The following PPP1R12B variants were observed in gnomAD, a reference collection of about 807,000 sequenced individuals.
PPP1R12B encodes protein phosphatase 1 regulatory subunit 12B, also known as myosin phosphatase target subunit 2.
Under a neutral mutation model 126.1 loss-of-function variants are expected in PPP1R12B, and 76 were observed. The observed-to-expected ratio is 0.60, with a 90% CI of 0.50 to 0.73. PPP1R12B has a LOEUF of 0.73. Among genes scored for constraint, PPP1R12B ranks in the 30% least tolerant of loss-of-function variants. The probability of loss-of-function intolerance (pLI) is 0.00; values close to 1 mark genes in which losing one functional copy is unlikely to be tolerated. For synonymous variants in PPP1R12B, 356 were observed against 434.7 expected, an observed-to-expected ratio of 0.82 and a Z score of 2.25; for missense variants, 1,052 against 1,205.1, an observed-to-expected ratio of 0.87 and a Z score of 1.88.
chr1:202,426,213 T>C (rs1486526016), intron 4 of PPP1R12B, among the ~76,000 whole-genome samples: 1 of 152,252 alleles, frequency 6.6e-6, no homozygotes, highest in African/African-American at 2.4e-5. Context: ...CATCCATACA[T>C]GCTTCTTGTA....
chr1:202,591,893 G>A lies in PPP1R12B; in HGVS notation c.*11333G>A, dbSNP rs1181820805. ...CTGTCTGCTCCTCGCCCAGCGTAGA[G>A]ATGGAGCTGAACTGTGAACCCAGGC... On this transcript the variant is annotated 3_prime_UTR_variant, in exon 24 of 24. Coordinates refer to ENST00000608999, the MANE Select transcript of PPP1R12B (RefSeq NM_002481.4). The A allele has an allele frequency of 6.5e-6, 1 of 152,800 alleles. No homozygotes were observed. The highest frequency in any genetic ancestry group is 1.5e-5 in the Non-Finnish European group (1 of 68,150). 9.5% of individuals were successfully genotyped at this position (152,800 alleles called of 1,614,324 possible). A position where few individuals can be genotyped will look rare whatever the true frequency, so the allele number is the denominator to read the frequency against.
At chr1:202,370,420 G>C (rs1315269441) in intron 1 of PPP1R12B, among the ~76,000 whole-genome samples, 1 of 151,338 alleles carries the variant, frequency 6.6e-6, no homozygotes, top group South Asian at 2.1e-4. Flanking sequence ...CCTTTTTTTT[G>C]CTATTATGAA....
At chr1:202,466,038 C>T (rs1463169192) in intron 13 of PPP1R12B, among the ~76,000 whole-genome samples, 2 of 152,184 alleles carry the variant, frequency 1.3e-5, no homozygotes, top group African/African-American at 4.8e-5. Flanking sequence ...TACACCTGCA[C>T]AATGATTTTA....
intron 9 of PPP1R12B, among the ~76,000 whole-genome samples, chr1:202,436,286 C>T (rs932562062): frequency 6.6e-6 from 1 of 151,992 alleles, no homozygotes; most frequent in East Asian, 1.9e-4. Context: ...ACAACAACAA[C>T]AACAACAACA....
At chr1:202,404,345 A>G (rs1035634291) in intron 1 of PPP1R12B, among the ~76,000 whole-genome samples, 6 of 152,076 alleles carry the variant, frequency 3.9e-5, no homozygotes, top group African/African-American at 1.2e-4. Context: ...GCATGCATAG[A>G]ATTCTCACTA....
intron 1 of PPP1R12B, among the ~76,000 whole-genome samples, chr1:202,367,650 T>C (rs1659472814): frequency 6.6e-6 from 1 of 152,172 alleles, no homozygotes; most frequent in Non-Finnish European, 1.5e-5. Flanking sequence ...ACCTTTGTAG[T>C]GAAGCACTTC....
At chr1:202,439,295 C>T in intron 10 of PPP1R12B, 1 of 1,418,394 alleles carries the variant, frequency 7.1e-7, no homozygotes, top group Non-Finnish European at 9.9e-7. Context: ...AGGGTGAGTA[C>T]AGTGAGGCCA....
intron 19 of PPP1R12B, among the ~76,000 whole-genome samples, chr1:202,561,336 G>A (rs1687500293): frequency 6.6e-6 from 1 of 150,524 alleles, no homozygotes. Context: ...GTCTATCATA[G>A]AAGATTAGTT....
At chr1:202,433,988 A>T (rs1167778337) in intron 8 of PPP1R12B, among the ~76,000 whole-genome samples, 1 of 152,226 alleles carries the variant, frequency 6.6e-6, no homozygotes, top group East Asian at 1.9e-4. Flanking sequence ...AGAAAGGTGT[A>T]TACATGAATA....
chr1:202,357,154 AC>A (rs1657265315), intron 1 of PPP1R12B, among the ~76,000 whole-genome samples: 1 of 152,104 alleles, frequency 6.6e-6, no homozygotes, highest in Non-Finnish European at 1.5e-5. Context: ...CAGACTTCTG[AC>A]CTCCAGAATG....
At chr1:202,427,886 G>A (rs1669747432) in intron 5 of PPP1R12B, among the ~76,000 whole-genome samples, 1 of 152,110 alleles carries the variant, frequency 6.6e-6, no homozygotes, top group Middle Eastern at 3.4e-3. Flanking sequence ...TCCTGACCTC[G>A]TGATCCGCCT....
intron 18 of PPP1R12B, among the ~76,000 whole-genome samples, chr1:202,517,358 A>C (rs1682269582): frequency 6.6e-6 from 1 of 152,218 alleles, no homozygotes; most frequent in Non-Finnish European, 1.5e-5. Context: ...ACCATTAATA[A>C]AAGCACATTA....
chr1:202,522,914 C>G (rs572227702), intron 18 of PPP1R12B, among the ~76,000 whole-genome samples: 1 of 152,000 alleles, frequency 6.6e-6, no homozygotes, highest in Non-Finnish European at 1.5e-5. Context: ...AAAACAAAAC[C>G]GACAGAATTA....
chr1:202,432,494 C>T (rs1229035781), intron 8 of PPP1R12B, among the ~76,000 whole-genome samples: 1 of 152,098 alleles, frequency 6.6e-6, no homozygotes, highest in East Asian at 1.9e-4. Context: ...CTCAAACTCC[C>T]GACCTCAAGT....
rs770806770 is a variant in PPP1R12B at position 202,540,192 on chromosome 1, A to G, written c.2491-18685A>G. ...GAATTCACTCGGAATAGGAAATCTC[A>G]GTCTGATTCTCCCCCAGCATCTCCC... On this transcript the variant is annotated intron_variant, in intron 18 of 23. Coordinates refer to ENST00000608999, the MANE Select transcript of PPP1R12B (RefSeq NM_002481.4). The G allele has an allele frequency of 1.4e-4, 225 of 1,611,026 alleles. 1 individual carries two copies. Among genetic ancestry groups the G allele is most frequent in the Non-Finnish European group, 1.8e-4 (217 of 1,178,646 alleles).
intron 1 of PPP1R12B, among the ~76,000 whole-genome samples, chr1:202,408,972 G>A (rs2148590423): frequency 6.6e-6 from 1 of 151,312 alleles, no homozygotes; most frequent in South Asian, 2.1e-4. Context: ...TAAGTAGCTG[G>A]GATTACAGGC....
chr1:202,586,269 A>C lies in PPP1R12B; in HGVS notation c.*5709A>C, dbSNP rs1157636990. The C allele has an allele frequency of 6.6e-6, 1 of 152,476 alleles. No homozygotes were observed. The highest frequency in any genetic ancestry group is 1.5e-5 in the Non-Finnish European group (1 of 68,226). The allele number at this position is 152,476 out of a possible 1,614,324, so 9.4% of individuals were successfully genotyped here. A position where few individuals can be genotyped will look rare whatever the true frequency, so the allele number is the denominator to read the frequency against. The stretch of plus-strand genomic sequence containing the variant: ...CAGGACCTGGTGTAATTGGAGTGAA[A>C]GGGCAGAGACCCTGGAAGTGGAGGT... On this transcript the variant is annotated 3_prime_UTR_variant, in exon 24 of 24. Transcript: ENST00000608999.
At chr1:202,554,361 C>T (rs2148992561) in intron 18 of PPP1R12B, among the ~76,000 whole-genome samples, 1 of 152,168 alleles carries the variant, frequency 6.6e-6, no homozygotes, top group Non-Finnish European at 1.5e-5. Context: ...CCTTAGAAGT[C>T]CAGTTTTCTT....
At chr1:202,434,210 A>C (rs529981770) in intron 8 of PPP1R12B, among the ~76,000 whole-genome samples, 32 of 152,336 alleles carry the variant, frequency 2.1e-4, no homozygotes, top group African/African-American at 7.7e-4. Context: ...TTGACACTGT[A>C]GGAGGTTAGG....
Sources: gnomAD v4.1 joint callset for allele counts (sites outside exome capture counted in the v4.1 genomes callset) on GRCh38, gnomAD v4.1.1 for gene constraint, MANE v1.5 for transcripts, NCBI Gene and HGNC (gene_info 2026-07-23, HGNC 2026-07-21) for gene names.